The following CRYL1 variants were observed in gnomAD, a reference collection of about 807,000 sequenced individuals.
CRYL1 encodes the protein lambda-crystallin homolog.
CRYL1 carries 29 observed loss-of-function variants against 36.6 expected under a neutral mutation model. The ratio of observed to expected loss-of-function variants is 0.79; its 90% CI spans 0.59 to 1.08. The LOEUF is 1.08. Ranked by LOEUF, CRYL1 falls within the 50% of genes least tolerant of loss-of-function variation. The probability of loss-of-function intolerance (pLI) is 0.00; values close to 1 mark genes in which losing one functional copy is unlikely to be tolerated. For missense variants in CRYL1, 411 were observed against 407.9 expected (o/e 1.01, Z -0.06); for synonymous variants, 152 against 151.5 (o/e 1.00, Z -0.02).
chr13:20,485,359 A>G (rs2033374503), intron 3 of CRYL1, among the ~76,000 whole-genome samples: 1 of 152,146 alleles, frequency 6.6e-6, no homozygotes, highest in South Asian at 2.1e-4. Context: ...AATTTGCTTT[A>G]CATCATATAA....
chr13:20,521,351 C>G (rs1466109617), intron 1 of CRYL1, among the ~76,000 whole-genome samples: 2 of 152,082 alleles, frequency 1.3e-5, no homozygotes, highest in African/African-American at 4.8e-5. Flanking sequence ...GCAAAGGAAG[C>G]TACAGAGAGG....
In CRYL1 at chr13:20,415,834, T is replaced by C. The variant is rs751765197; in HGVS notation, c.634-2447A>G. On this transcript the variant is annotated intron_variant, in intron 5 of 7. Coordinates refer to ENST00000298248, the MANE Select transcript of CRYL1 (RefSeq NM_015974.3). The surrounding 1 kb of genome is among the most constrained non-coding windows in gnomAD (Gnocchi z 4.1). ...GGCCCATTTCTAATCTTCCTGTAAGTGGAATCACTGAGCGCGCGTTCTTTC... is the reference window on the plus strand; with the variant it reads ...GGCCCATTTCTAATCTTCCTGTAAGCGGAATCACTGAGCGCGCGTTCTTTC... Among the ~76,000 whole-genome samples the C allele has an allele frequency of 2.6e-5, 4 of 152,208 alleles. No individual in the cohort carries two copies. Among genetic ancestry groups the C allele is most frequent in the Non-Finnish European group, 5.9e-5 (4 of 68,028 alleles).
At chr13:20,427,558 C>A (rs2031958855) in intron 5 of CRYL1, among the ~76,000 whole-genome samples, 1 of 152,056 alleles carries the variant, frequency 6.6e-6, no homozygotes, top group African/African-American at 2.4e-5. Context: ...GCACTGGCAG[C>A]GTGGCTCCCC....
intron 2 of CRYL1, among the ~76,000 whole-genome samples, chr13:20,499,465 G>A (rs1208347457): frequency 3.4e-5 from 5 of 149,046 alleles, no homozygotes; most frequent in South Asian, 2.2e-4. Context: ...TGGCTAACAC[G>A]GTGAAACCCC....
At chr13:20,486,332 A>G (rs1036708527) in intron 3 of CRYL1, among the ~76,000 whole-genome samples, 4 of 152,224 alleles carry the variant, frequency 2.6e-5, no homozygotes, top group East Asian at 3.8e-4. Context: ...TGGCATTCGT[A>G]GCATGGCGAC....
intron 2 of CRYL1, among the ~76,000 whole-genome samples, chr13:20,500,146 A>G (rs1246344166): frequency 6.6e-6 from 1 of 152,230 alleles, no homozygotes; most frequent in Non-Finnish European, 1.5e-5. Flanking sequence ...GACGGAACTA[A>G]TGGAGGACTG....
chr13:20,500,204 G>A (rs1565984983), intron 2 of CRYL1, among the ~76,000 whole-genome samples: 2 of 152,040 alleles, frequency 1.3e-5, no homozygotes, highest in African/African-American at 4.8e-5. Flanking sequence ...CATTCTTTTT[G>A]TTTTTCAGAG....
At chr13:20,431,296 C>T (rs766239658) in intron 5 of CRYL1, 20 of 985,288 alleles carry the variant, frequency 2.0e-5, no homozygotes, top group Non-Finnish European at 2.4e-5. Context: ...GACTCGAGCC[C>T]GAGCAGCGTC....
chr13:20,432,063 A>G (rs986529787), intron 5 of CRYL1, 39 bp downstream of exon 5: 1 of 1,613,736 alleles, frequency 6.2e-7, no homozygotes, highest in Non-Finnish European at 8.5e-7. Context: ...AAGGAGGGAG[A>G]AAGGAAGGGA....
At chr13:20,504,307 T>C (rs558151710) in intron 2 of CRYL1, among the ~76,000 whole-genome samples, 31 of 146,198 alleles carry the variant, frequency 2.1e-4, no homozygotes, top group South Asian at 1.1e-3. Context: ...CTTTTCTTTT[T>C]TTTTTTTTTT....
At chr13:20,472,462 A>G (rs2033080449) in intron 3 of CRYL1, among the ~76,000 whole-genome samples, 1 of 152,172 alleles carries the variant, frequency 6.6e-6, no homozygotes. Context: ...TCTAAGCACT[A>G]CGCATCGTAG....
chr13:20,428,021 C>T (rs1396356815), intron 5 of CRYL1, among the ~76,000 whole-genome samples: 1 of 152,200 alleles, frequency 6.6e-6, no homozygotes, highest in South Asian at 2.1e-4. Flanking sequence ...TTAAATTCAT[C>T]GTTAGAAAGC....
chr13:20,500,236 G>C (rs1307866484), intron 2 of CRYL1, among the ~76,000 whole-genome samples: 1 of 151,924 alleles, frequency 6.6e-6, no homozygotes, highest in Non-Finnish European at 1.5e-5. Context: ...TTTTTCTTTT[G>C]AGTCATCCTT....
At position 20,486,540 on chromosome 13, in the gene CRYL1, C is replaced by T. The variant is rs188406557; in HGVS notation, c.276+2830G>A. ...TGCATTAAACCTTCCCGAAGCCTCC[C>T]GGTCAGAACTATTCCTACCCACTCC... is the stretch of plus-strand genomic sequence containing the variant. On this transcript the variant is annotated intron_variant, in intron 3 of 7. Transcript: ENST00000298248. Among the ~76,000 whole-genome samples, 244 of 151,846 alleles carry T rather than the reference C, an allele frequency of 1.6e-3. 1 individual carries two copies. Among genetic ancestry groups the T allele is most frequent in the African/African-American group, 5.6e-3 (232 of 41,380 alleles).
intron 1 of CRYL1, among the ~76,000 whole-genome samples, chr13:20,517,792 C>T (rs969590029): frequency 3.4e-5 from 5 of 149,212 alleles, no homozygotes; most frequent in East Asian, 4.0e-4. Flanking sequence ...AAAAATTAGC[C>T]GGGCATGGTG....
At chr13:20,490,775 T>C (rs919996294) in intron 2 of CRYL1, among the ~76,000 whole-genome samples, 1 of 152,160 alleles carries the variant, frequency 6.6e-6, no homozygotes, top group African/African-American at 2.4e-5. Context: ...TCGGGGCATG[T>C]GGTCTGTGCG....
chr13:20,421,721 T>C (rs947533344), intron 5 of CRYL1, among the ~76,000 whole-genome samples: 2 of 152,206 alleles, frequency 1.3e-5, no homozygotes, highest in African/African-American at 4.8e-5. Flanking sequence ...ATCCATCATT[T>C]ATATTCACTG....
intron 3 of CRYL1, among the ~76,000 whole-genome samples, chr13:20,461,231 C>A (rs942350103): frequency 3.3e-5 from 5 of 152,188 alleles, no homozygotes; most frequent in Admixed American, 2.6e-4. Flanking sequence ...GCAGACACTG[C>A]AAACATTTTT....
chr13:20,436,707 G>A (rs117395346), intron 4 of CRYL1, among the ~76,000 whole-genome samples: 12 of 152,290 alleles, frequency 7.9e-5, no homozygotes, highest in Admixed American at 3.3e-4. Flanking sequence ...ACACGTGGCC[G>A]TGCAACGAGG....
Sources: allele counts gnomAD v4.1 joint callset (sites outside exome capture counted in the v4.1 genomes callset), GRCh38; gene constraint gnomAD v4.1.1; non-coding constraint Gnocchi (gnomAD v3.1); transcripts MANE v1.5; gene names NCBI Gene and HGNC (gene_info 2026-07-23, HGNC 2026-07-21).